GABRB1: variants seen among roughly 807,000 people sequenced by gnomAD.
GABRB1 encodes gamma-aminobutyric acid type A receptor subunit beta1, also known as gamma-aminobutyric acid receptor subunit beta-1.
A neutral mutation model predicts 51.6 loss-of-function variants in GABRB1; 17 were observed. The observed-to-expected ratio is 0.33, with a 90% CI of 0.23 to 0.49. The LOEUF (loss-of-function observed/expected upper bound fraction) is 0.49. Ranked by LOEUF, GABRB1 falls within the 20% of genes least tolerant of loss-of-function variation. The pLI, the probability that GABRB1 is intolerant of heterozygous loss-of-function variation, is 0.99. For synonymous variants in GABRB1, 247 were observed against 218.9 expected (o/e 1.13, Z -1.14); for missense variants, 410 against 600.6 (o/e 0.68, Z 3.32).
At chr4:47,327,323 G>A (rs4298114) in intron 5 of GABRB1, among the ~76,000 whole-genome samples, 85,519 of 147,466 alleles carry the variant, frequency 0.58, 24,597 homozygotes, top group East Asian at 0.7. Context: ...AAACCGTATC[G>A]CTTAAAAGAA....
At chr4:47,322,829 G>A (rs1560333269) in intron 5 of GABRB1, among the ~76,000 whole-genome samples, 1 of 151,970 alleles carries the variant, frequency 6.6e-6, no homozygotes, top group African/African-American at 2.4e-5. Context: ...AAATTAGCTG[G>A]GTGCTGGCAT....
At chr4:47,164,013 C>CA (rs1224941077) in intron 4 of GABRB1, among the ~76,000 whole-genome samples, 1 of 151,964 alleles carries the variant, frequency 6.6e-6, no homozygotes, top group Non-Finnish European at 1.5e-5. Context: ...GCATGTCTTA[C>CA]ATGGTGGCAG....
intron 5 of GABRB1, among the ~76,000 whole-genome samples, chr4:47,402,725 A>C (rs1728437750): frequency 6.6e-6 from 1 of 152,184 alleles, no homozygotes; most frequent in African/African-American, 2.4e-5. Context: ...ATTATCAAAA[A>C]TTTATGTAGT....
intron 5 of GABRB1, among the ~76,000 whole-genome samples, chr4:47,402,072 G>A (rs1223277323): frequency 2.6e-5 from 4 of 152,178 alleles, no homozygotes; most frequent in Admixed American, 6.5e-5. Context: ...GATTATATCT[G>A]GAAGCCAGTT....
intron 4 of GABRB1, among the ~76,000 whole-genome samples, chr4:47,310,454 A>G (rs1724629689): frequency 6.6e-6 from 1 of 152,208 alleles, no homozygotes; most frequent in Non-Finnish European, 1.5e-5. Flanking sequence ...TAAATTACTG[A>G]TAACTAAATT....
chr4:47,328,367 T>G (rs1725332961), intron 5 of GABRB1, among the ~76,000 whole-genome samples: 2 of 152,212 alleles, frequency 1.3e-5, no homozygotes, highest in African/African-American at 4.8e-5. Context: ...TTTTGGTGTT[T>G]TAGACATGAA....
intron 3 of GABRB1, among the ~76,000 whole-genome samples, chr4:47,106,181 A>G (rs1285752165): frequency 6.6e-6 from 1 of 152,092 alleles, no homozygotes; most frequent in South Asian, 2.1e-4. Flanking sequence ...ATACAGCAAC[A>G]TTTTAAAATA....
intron 1 of GABRB1, among the ~76,000 whole-genome samples, chr4:47,009,416 G>T (rs990248453): frequency 1.3e-5 from 2 of 151,988 alleles, no homozygotes; most frequent in African/African-American, 2.4e-5. Context: ...TAATTTTAAA[G>T]AATAACACCT....
At chr4:47,049,045 C>G (rs1256147681) in intron 3 of GABRB1, among the ~76,000 whole-genome samples, 1 of 138,988 alleles carries the variant, frequency 7.2e-6, no homozygotes, top group Non-Finnish European at 1.6e-5. Context: ...TCCTCTTAAT[C>G]TTTTCATGAT....
intron 3 of GABRB1, among the ~76,000 whole-genome samples, chr4:47,096,006 C>A (rs908260413): frequency 6.6e-6 from 1 of 152,116 alleles, no homozygotes; most frequent in African/African-American, 2.4e-5. Flanking sequence ...ATCCCATCTT[C>A]CTTCTATTTT....
intron 4 of GABRB1, among the ~76,000 whole-genome samples, chr4:47,308,909 C>T (rs932812758): frequency 2.6e-5 from 4 of 152,048 alleles, no homozygotes; most frequent in Non-Finnish European, 5.9e-5. Flanking sequence ...AGCCAAAAGA[C>T]CAAGAAACTA....
chr4:47,328,226 G>A (rs1284703238), intron 5 of GABRB1, among the ~76,000 whole-genome samples: 1 of 152,064 alleles, frequency 6.6e-6, no homozygotes, highest in African/African-American at 2.4e-5. Flanking sequence ...TTTGTCAGAT[G>A]AGTAGATTTC....
At chr4:47,205,601 C>A (rs1186965621) in intron 4 of GABRB1, among the ~76,000 whole-genome samples, 2 of 152,112 alleles carry the variant, frequency 1.3e-5, no homozygotes, top group Non-Finnish European at 2.9e-5. Context: ...GTAGGTCATG[C>A]TCTCAGATTT....
At chr4:47,070,178 G>A (rs1440193831) in intron 3 of GABRB1, among the ~76,000 whole-genome samples, 2 of 151,996 alleles carry the variant, frequency 1.3e-5, no homozygotes, top group African/African-American at 4.8e-5. Context: ...TGGGACTACA[G>A]GCAAGCACCA....
chr4:47,402,603 G>A lies in GABRB1; in HGVS notation c.545-715G>A, dbSNP rs190610776. On this transcript the variant is annotated intron_variant, in intron 5 of 8. Transcript: ENST00000295454. ...GAAGAGATTAGGCCATCAGCAAAGG[G>A]CCTTCATGCTGAAGACCTGAGGACA... 1.1e-3 allele frequency among the ~76,000 whole-genome samples: 169 copies of A among 152,038 alleles called. 1 individual carries two copies. The highest frequency in any genetic ancestry group is 3.7e-3 in the African/African-American group (152 of 41,454).
intron 3 of GABRB1, among the ~76,000 whole-genome samples, chr4:47,122,804 A>G (rs1178711948): frequency 3.9e-5 from 6 of 152,210 alleles, no homozygotes; most frequent in Non-Finnish European, 7.3e-5. Context: ...CAAGAAGCTC[A>G]CTGGAAACAA....
At chr4:47,417,994 T>C (rs767039256) in intron 8 of GABRB1, among the ~76,000 whole-genome samples, 1 of 152,112 alleles carries the variant, frequency 6.6e-6, no homozygotes, top group African/African-American at 2.4e-5. Flanking sequence ...AGAGAGGAGA[T>C]AGTGAGTGAG....
intron 4 of GABRB1, among the ~76,000 whole-genome samples, chr4:47,163,513 G>A (rs1291897219): frequency 6.6e-6 from 1 of 151,966 alleles, no homozygotes; most frequent in African/African-American, 2.4e-5. Flanking sequence ...TAGAGCTGAA[G>A]ACAATAGATA....
At chr4:47,015,054 A>C (rs1228928215) in intron 1 of GABRB1, among the ~76,000 whole-genome samples, 2 of 152,218 alleles carry the variant, frequency 1.3e-5, no homozygotes, top group South Asian at 2.1e-4. Flanking sequence ...TTACAGGCAC[A>C]CGCCACCACA....
Sources: gnomAD v4.1 joint callset for allele counts (sites outside exome capture counted in the v4.1 genomes callset) on GRCh38, gnomAD v4.1.1 for gene constraint, MANE v1.5 for transcripts, NCBI Gene and HGNC (gene_info 2026-07-23, HGNC 2026-07-21) for gene names.